The following AFF2 variants were observed in gnomAD, a reference collection of about 807,000 sequenced individuals.
The protein encoded by AFF2 is AF4/FMR2 family member 2.
AFF2 carries 14 observed loss-of-function variants against 76.9 expected under a neutral mutation model. The observed-to-expected ratio is 0.18, with a 90% CI of 0.12 to 0.28. The LOEUF (loss-of-function observed/expected upper bound fraction) is 0.28. Among genes scored for constraint, AFF2 ranks in the 10% least tolerant of loss-of-function variants. The pLI is 1.00. For missense variants in AFF2, 868 were observed against 1,001.1 expected (o/e 0.87, Z 1.79); for synonymous variants, 398 against 366.7 (o/e 1.09, Z -0.98).
rs923233797 is a variant in AFF2, at chrX:148,996,256, C to A, written c.*4924C>A. 8.9e-6 allele frequency: 1 copy of A among 112,787 alleles called. No homozygotes were observed. The highest frequency in any genetic ancestry group is 3.2e-5 in the African/African-American group (1 of 31,037). The allele number at this position is 112,787 out of a possible 1,213,427, so 9.3% of individuals were successfully genotyped here. ...TAAGTTAATGCCGTGTTGCCCAGAA[C>A]AAGATCTAGCTTCTCATTTGGTCAG... On this transcript the variant is annotated 3_prime_UTR_variant, in exon 21 of 21. Coordinates refer to ENST00000370460, the MANE Select transcript of AFF2 (RefSeq NM_002025.4).
intron 8 of AFF2, among the ~76,000 whole-genome samples, chrX:148,895,955 T>C (rs1339567505): frequency 9.0e-6 from 1 of 111,160 alleles, no homozygotes; most frequent in African/African-American, 3.3e-5. Context: ...GCGATTAGGT[T>C]CACCTTCAAG....
chrX:148,897,098 C>G (rs2071293424), intron 8 of AFF2, among the ~76,000 whole-genome samples: 1 of 101,397 alleles, frequency 9.9e-6, no homozygotes, highest in Admixed American at 1.1e-4. Context: ...CCATTGCATA[C>G]TACAGACTTT....
intron 9 of AFF2, among the ~76,000 whole-genome samples, chrX:148,911,315 G>A (rs1395903646): frequency 2.7e-5 from 3 of 111,251 alleles, no homozygotes; most frequent in East Asian, 2.8e-4. Context: ...AATGGCCCCC[G>A]AGGACCAAAG....
chrX:148,906,790 C>T (rs1315689248), intron 9 of AFF2, among the ~76,000 whole-genome samples: 4 of 111,753 alleles, frequency 3.6e-5, no homozygotes, highest in African/African-American at 9.8e-5. Flanking sequence ...TGCTGAATGC[C>T]GCCATTGCAG....
chrX:148,506,344 A>G (rs2052417283), intron 1 of AFF2, among the ~76,000 whole-genome samples: 1 of 111,826 alleles, frequency 8.9e-6, no homozygotes, highest in Admixed American at 9.5e-5. Flanking sequence ...ATTGAATGGC[A>G]AATTCATTCA....
chrX:148,511,856 G>A (rs2052486015), intron 1 of AFF2, among the ~76,000 whole-genome samples: 1 of 112,211 alleles, frequency 8.9e-6, no homozygotes, highest in African/African-American at 3.2e-5. Context: ...GAGTTTGTTG[G>A]GTACCTTCAA....
intron 7 of AFF2, among the ~76,000 whole-genome samples, chrX:148,881,371 G>T (rs1275027890): frequency 9.0e-6 from 1 of 111,361 alleles, no homozygotes; most frequent in Non-Finnish European, 1.9e-5. Context: ...AACTTCAACT[G>T]GGGGGTCGCC....
At chrX:148,857,574 T>C (rs1303881908) in intron 7 of AFF2, among the ~76,000 whole-genome samples, 2 of 111,967 alleles carry the variant, frequency 1.8e-5, no homozygotes, top group East Asian at 5.6e-4. Flanking sequence ...CTCATTGTGT[T>C]TGCTACTGGC....
chrX:148,802,888 C>A (rs1485227722), intron 3 of AFF2, among the ~76,000 whole-genome samples: 2 of 111,929 alleles, frequency 1.8e-5, no homozygotes, highest in African/African-American at 3.2e-5. Context: ...CCTGATATAT[C>A]TTTTTTATAT....
At chrX:148,509,653 C>T (rs1401402827) in intron 1 of AFF2, among the ~76,000 whole-genome samples, 1 of 112,414 alleles carries the variant, frequency 8.9e-6, no homozygotes, top group African/African-American at 3.2e-5. Context: ...GAAGGGTATA[C>T]TGTAGCTCTT....
At chrX:148,625,290 C>G (rs1376853045) in intron 1 of AFF2, among the ~76,000 whole-genome samples, 1 of 111,290 alleles carries the variant, frequency 9.0e-6, no homozygotes, top group African/African-American at 3.3e-5. Flanking sequence ...ATTGATGTGT[C>G]CCCTGCTGGC....
rs1557256460 is a variant in AFF2, at chrX:148,652,135, T to C, written c.180+4T>C. On this transcript the variant is annotated splice_donor_region_variant and intron_variant, in intron 2 of 20. Coordinates refer to ENST00000370460, the MANE Select transcript of AFF2 (RefSeq NM_002025.4). ...GCCATACAAGGTAGCTGAATATGTA[T>C]GTAATTTTTCTTTCTGGAAAATGGT... The C allele has an allele frequency of 1.7e-6, 2 of 1,180,727 alleles. No homozygotes were observed. Among genetic ancestry groups the C allele is most frequent in the South Asian group, 3.7e-5 (2 of 53,618 alleles).
intron 3 of AFF2, among the ~76,000 whole-genome samples, chrX:148,777,325 T>A (rs1055958699): frequency 2.3e-4 from 26 of 112,012 alleles, no homozygotes; most frequent in Non-Finnish European, 4.7e-4. Flanking sequence ...CTTAGGATTG[T>A]CTTGGCTATA....
At position 148,956,052 on chromosome X, in the gene AFF2, C is replaced by T; in HGVS notation, c.2007C>T (p.Gly669=). Residue 669 remains glycine, a synonymous_variant, in exon 11 of 21, where the codon GGC becomes GGT. Coordinates refer to ENST00000370460, the MANE Select transcript of AFF2 (RefSeq NM_002025.4). ...TGGAGCTTCATGACCCACCAAGAGGCCGCAACAAAGCCACTGCCCACAAAC... is the reference window on the plus strand; with the variant it reads ...TGGAGCTTCATGACCCACCAAGAGGTCGCAACAAAGCCACTGCCCACAAAC... The part of the protein sequence containing the change: ...ESVELHDPPR[G]RNKATAHKPA... The T allele has an allele frequency of 6.6e-6, 8 of 1,211,158 alleles. No homozygotes were observed. The highest frequency in any genetic ancestry group is 8.9e-6 in the Non-Finnish European group (8 of 895,341).
At chrX:148,981,116 A>G (rs2072386919) in intron 19 of AFF2, among the ~76,000 whole-genome samples, 2 of 112,469 alleles carry the variant, frequency 1.8e-5, no homozygotes, top group African/African-American at 3.2e-5. Context: ...CTCAATAATG[A>G]AAGACCAATG....
chrX:148,767,895 G>A (rs1603297414), intron 3 of AFF2, among the ~76,000 whole-genome samples: 1 of 111,035 alleles, frequency 9.0e-6, no homozygotes. Flanking sequence ...TGGGAAGTAC[G>A]TCAGGATAAC....
intron 9 of AFF2, among the ~76,000 whole-genome samples, chrX:148,950,242 G>T (rs1383280545): frequency 1.8e-5 from 2 of 112,008 alleles, no homozygotes; most frequent in Admixed American, 9.5e-5. Flanking sequence ...CGCAAGGTAG[G>T]CCCAGAGGAA....
In AFF2 at chrX:148,774,770, T is replaced by C. The variant is rs782802013; in HGVS notation, c.1042-35106T>C. Among the ~76,000 whole-genome samples, 3 of 112,105 alleles carry C rather than the reference T, an allele frequency of 2.7e-5. No homozygotes were observed. The Admixed American group carries it at 2.9e-4, about 11-fold the overall frequency. On this transcript the variant is annotated intron_variant, in intron 3 of 20. Transcript: ENST00000370460. The stretch of plus-strand genomic sequence containing the variant: ...ATCAGTACGTAGGGACTGCAGTTTA[T>C]AGCTAACTGGACAGGCTGTTCTCTG...
chrX:148,650,931 G>C (rs2054197315), intron 1 of AFF2, among the ~76,000 whole-genome samples: 1 of 111,824 alleles, frequency 8.9e-6, no homozygotes, highest in Non-Finnish European at 1.9e-5. Flanking sequence ...TATTAACATG[G>C]GGAAGGAAAC....
Sources: gnomAD v4.1 joint callset for allele counts (sites outside exome capture counted in the v4.1 genomes callset) on GRCh38, gnomAD v4.1.1 for gene constraint, MANE v1.5 for transcripts, NCBI Gene and HGNC (gene_info 2026-07-23, HGNC 2026-07-21) for gene names.